B3GALNT1: variants seen among roughly 807,000 people sequenced by gnomAD.
B3GALNT1 encodes the protein UDP-GalNAc:beta-1,3-N-acetylgalactosaminyltransferase 1.
Under a neutral mutation model 27.3 loss-of-function variants are expected in B3GALNT1, and 17 were observed. That is an observed-to-expected ratio of 0.62 (90% CI 0.43 to 0.94). The LOEUF (loss-of-function observed/expected upper bound fraction) is 0.94, where lower values mean the gene tolerates loss of function less well. Among genes scored for constraint, B3GALNT1 ranks in the 40% least tolerant of loss-of-function variants. The pLI, the probability that B3GALNT1 is intolerant of heterozygous loss-of-function variation, is 0.00. For missense variants in B3GALNT1, 347 were observed against 390.0 expected (o/e 0.89, Z 0.93); for synonymous variants, 141 against 144.0 (o/e 0.98, Z 0.15).
intron 4 of B3GALNT1, among the ~76,000 whole-genome samples, chr3:161,093,877 A>C (rs148255025): frequency 6.6e-6 from 1 of 152,148 alleles, no homozygotes; most frequent in African/African-American, 2.4e-5. Flanking sequence ...TATTAACTAC[A>C]TATGAATTTG....
intron 4 of B3GALNT1, among the ~76,000 whole-genome samples, chr3:161,091,383 CAGTCTGGAAATATTA>C (rs1354794486): frequency 2.0e-5 from 3 of 152,188 alleles, no homozygotes; most frequent in Non-Finnish European, 2.9e-5. Flanking sequence ...CAGTCAACTA[CAGTCTGGAAATATTA>C]AGTGAAAAAT....
intron 4 of B3GALNT1, among the ~76,000 whole-genome samples, chr3:161,097,506 G>C (rs2108389806): frequency 6.6e-6 from 1 of 152,198 alleles, no homozygotes; most frequent in African/African-American, 2.4e-5. Flanking sequence ...TCTTCTCCTA[G>C]AGTCCAAGGT....
Position 161,085,779 on chromosome 3 carries a change from TC to T in B3GALNT1, c.975del (p.Asn326ThrfsTer26). 1.2e-6 allele frequency: 2 copies of T among 1,614,154 alleles called. No homozygotes were observed. Among genetic ancestry groups the T allele is most frequent in the South Asian group, 2.2e-5 (2 of 91,082 alleles). On this transcript the variant is annotated frameshift_variant, in exon 5 of 5. Coordinates refer to ENST00000320474, the MANE Select transcript of B3GALNT1 (RefSeq NM_003781.4). LOFTEE classifies it high-confidence loss of function. ...EIITFWQVMLRNTTCHY is the reference protein window; with the variant it reads ...EIITFWQVMLXNTTCHY ...TGAAGTTAATAATGGCATGTGGTGT[TC>T]CTTAGCATGACCTGCCAAAAAGTGA...
intron 4 of B3GALNT1, among the ~76,000 whole-genome samples, 188 bp from the exon 5 acceptor site, chr3:161,086,976 A>G (rs1431731347): frequency 6.6e-6 from 1 of 152,226 alleles, no homozygotes; most frequent in East Asian, 1.9e-4. Flanking sequence ...AATCTATTTT[A>G]GCTTCTTACA....
intron 2 of B3GALNT1, 96 bp downstream of exon 2, chr3:161,104,223 G>T (rs922143701): frequency 5.2e-6 from 5 of 957,668 alleles, no homozygotes; most frequent in African/African-American, 5.2e-5. Flanking sequence ...TGCATACTAA[G>T]AGCACAAATT....
chr3:161,096,011 A>G (rs1029211802), intron 4 of B3GALNT1, among the ~76,000 whole-genome samples: 1 of 152,198 alleles, frequency 6.6e-6, no homozygotes, highest in Admixed American at 6.5e-5. Flanking sequence ...ACTTTTAAAA[A>G]TCTATTTCTA....
chr3:161,100,499 T>C (rs1730655423), intron 4 of B3GALNT1, among the ~76,000 whole-genome samples: 1 of 152,236 alleles, frequency 6.6e-6, no homozygotes, highest in Non-Finnish European at 1.5e-5. Context: ...TGCTGCTTCA[T>C]TCAGTGTGCT....
At chr3:161,092,351 GAT>G (rs1264852201) in intron 4 of B3GALNT1, among the ~76,000 whole-genome samples, 1 of 152,144 alleles carries the variant, frequency 6.6e-6, no homozygotes, top group Non-Finnish European at 1.5e-5. Context: ...GTTACATAAT[GAT>G]ATATGTATAA....
At chr3:161,101,697 G>A (rs1238480790) in intron 3 of B3GALNT1, among the ~76,000 whole-genome samples, 1 of 152,174 alleles carries the variant, frequency 6.6e-6, no homozygotes, top group Non-Finnish European at 1.5e-5. Context: ...ATCCACAGCA[G>A]GGAACTGAGT....
At chr3:161,096,358 T>G (rs1468379738) in intron 4 of B3GALNT1, among the ~76,000 whole-genome samples, 1 of 152,196 alleles carries the variant, frequency 6.6e-6, no homozygotes, top group African/African-American at 2.4e-5. Flanking sequence ...AAATTTTAGG[T>G]CCAAGCACGC....
Position 161,085,812 on chromosome 3 carries a change from C to A in B3GALNT1, c.943G>T (p.Glu315Ter). The stretch of plus-strand genomic sequence containing the variant: ...ATGACCTGCCAAAAAGTGATGATCT[C>A]CTTGGAAGAAAAGCCATGGGCTGCA... ...VIAAHGFSSK[E>*]IITFWQVMLR... Residue 315 changes from glutamate to a stop codon, truncating the protein, a stop_gained, in exon 5 of 5, where the codon GAG (glutamate) becomes TAG (stop). Coordinates refer to ENST00000320474, the MANE Select transcript of B3GALNT1 (RefSeq NM_003781.4). LOFTEE classifies it high-confidence loss of function. The A allele has an allele frequency of 6.2e-7, 1 of 1,614,116 alleles. No individual in the cohort carries two copies. Among genetic ancestry groups the A allele is most frequent in the Non-Finnish European group, 8.5e-7 (1 of 1,180,020 alleles).
intron 4 of B3GALNT1, among the ~76,000 whole-genome samples, chr3:161,088,030 G>C (rs1722944336): frequency 6.6e-6 from 1 of 152,130 alleles, no homozygotes; most frequent in African/African-American, 2.4e-5. Context: ...AATTATATGG[G>C]GGAGGGTTCT....
intron 3 of B3GALNT1, among the ~76,000 whole-genome samples, chr3:161,102,413 T>C (rs1372426309): frequency 1.3e-5 from 2 of 152,160 alleles, no homozygotes; most frequent in South Asian, 2.1e-4. Context: ...ACCCTACAGA[T>C]GTTCTGTGGC....
chr3:161,095,197 T>C (rs1727469832), intron 4 of B3GALNT1, among the ~76,000 whole-genome samples: 2 of 152,146 alleles, frequency 1.3e-5, no homozygotes, highest in Admixed American at 6.5e-5. Context: ...GCACTTACTC[T>C]GCCCCTCCAA....
chr3:161,086,763 G>C lies in B3GALNT1; in HGVS notation c.-9C>G. 6.2e-7 allele frequency: 1 copy of C among 1,613,798 alleles called. No individual in the cohort carries two copies. Among genetic ancestry groups the C allele is most frequent in the Non-Finnish European group, 8.5e-7 (1 of 1,179,890 alleles). ...CAGAGAGCCGAGGCCATCCACAGCA[G>C]CTCAGAAGCACGCGAGCCGAAGGTT... On this transcript the variant is annotated 5_prime_UTR_variant, in exon 5 of 5. Transcript: ENST00000320474.
chr3:161,100,041 A>G (rs35824993), intron 4 of B3GALNT1, among the ~76,000 whole-genome samples: 4,217 of 152,246 alleles, frequency 0.028, 206 homozygotes, highest in African/African-American at 0.097. Flanking sequence ...AGACAAGAAA[A>G]GCTTAGAAGT....
chr3:161,104,166 G>A, intron 2 of B3GALNT1, 153 bp downstream of exon 2: 3 of 432,546 alleles, frequency 6.9e-6, no homozygotes, highest in South Asian at 4.1e-5. Context: ...CTGTTCTCCA[G>A]ACTGATACGC....
rs1721268113 is a variant in B3GALNT1, at chr3:161,085,651, A to G, written c.*108T>C. 5.7e-6 allele frequency: 7 copies of G among 1,227,542 alleles called. No individual in the cohort carries two copies. The highest frequency in any genetic ancestry group is 8.4e-6 in the Non-Finnish European group (7 of 837,652). The allele number at this position is 1,227,542 out of a possible 1,614,324, so 76.0% of individuals were successfully genotyped here. ...CTGGGTTTTTCATGAGTTTCAGTTC[A>G]GTGTAAGCCAGCACACTGACCTCCC... On this transcript the variant is annotated 3_prime_UTR_variant, in exon 5 of 5. Coordinates refer to ENST00000320474, the MANE Select transcript of B3GALNT1 (RefSeq NM_003781.4).
intron 2 of B3GALNT1, 50 bp downstream of exon 2, chr3:161,104,269 G>A: frequency 7.9e-7 from 1 of 1,270,452 alleles, no homozygotes; most frequent in Non-Finnish European, 1.0e-6. Context: ...CCTGGGAGAA[G>A]CTAAAAAACT....
Sources: allele counts gnomAD v4.1 joint callset (sites outside exome capture counted in the v4.1 genomes callset), GRCh38; gene constraint gnomAD v4.1.1; transcripts MANE v1.5; gene names NCBI Gene and HGNC (gene_info 2026-07-23, HGNC 2026-07-21).